DCHS2: variants seen among roughly 807,000 people sequenced by gnomAD.
DCHS2 encodes the protein protocadherin-23.
A neutral mutation model predicts 182.4 loss-of-function variants in DCHS2; 142 were observed. The observed-to-expected ratio is 0.78, with a 90% CI of 0.68 to 0.89. The LOEUF (loss-of-function observed/expected upper bound fraction) is 0.89, where lower values mean the gene tolerates loss of function less well. DCHS2 is among the 40% of genes least tolerant of loss of function. DCHS2 has a pLI of 0.00. For synonymous variants in DCHS2, 1,740 were observed against 1,663.3 expected, an observed-to-expected ratio of 1.05 and a Z score of -1.12; for missense variants, 4,319 against 4,198.6, an observed-to-expected ratio of 1.03 and a Z score of -0.79.
intron 3 of DCHS2, among the ~76,000 whole-genome samples, chr4:154,356,613 A>T (rs967289125): frequency 3.9e-5 from 6 of 152,116 alleles, no homozygotes; most frequent in African/African-American, 1.4e-4. Context: ...TTTTTACTCT[A>T]CCTTTACTAT....
chr4:154,351,865 G>A (rs1729633093), intron 3 of DCHS2, among the ~76,000 whole-genome samples: 1 of 152,128 alleles, frequency 6.6e-6, no homozygotes, highest in African/African-American at 2.4e-5. Context: ...GTTCCCAACA[G>A]GCCACAGACC....
intron 3 of DCHS2, among the ~76,000 whole-genome samples, chr4:154,361,771 C>T (rs1230146125): frequency 6.6e-6 from 1 of 152,060 alleles, no homozygotes; most frequent in Non-Finnish European, 1.5e-5. Context: ...TTCTCCAAAA[C>T]ATTTTTCATA....
At chr4:154,472,432 C>CAATTA (rs1735509236) in intron 1 of DCHS2, among the ~76,000 whole-genome samples, 1 of 152,256 alleles carries the variant, frequency 6.6e-6, no homozygotes, top group African/African-American at 2.4e-5. Context: ...TAGCAGGTAA[C>CAATTA]AATTAAATTA....
At chr4:154,460,461 C>T (rs1734964983) in intron 1 of DCHS2, among the ~76,000 whole-genome samples, 1 of 152,182 alleles carries the variant, frequency 6.6e-6, no homozygotes, top group Non-Finnish European at 1.5e-5. Flanking sequence ...TATTTCACTG[C>T]TATTAAAGCT....
intron 1 of DCHS2, among the ~76,000 whole-genome samples, chr4:154,425,244 G>A (rs1445503429): frequency 2.0e-5 from 3 of 152,194 alleles, no homozygotes; most frequent in Non-Finnish European, 4.4e-5. Flanking sequence ...CCCATCCGAA[G>A]AACAGGTAGC....
chr4:154,337,683 C>A (rs1301511469), intron 3 of DCHS2, among the ~76,000 whole-genome samples: 1 of 152,026 alleles, frequency 6.6e-6, no homozygotes, highest in Non-Finnish European at 1.5e-5. Context: ...GCGTCCTCTT[C>A]CCAGAACAAC....
At chr4:154,482,155 G>C (rs1168260457) in intron 1 of DCHS2, among the ~76,000 whole-genome samples, 1 of 152,184 alleles carries the variant, frequency 6.6e-6, no homozygotes. Flanking sequence ...GTAGCAAGAT[G>C]ATTTAAACAA....
intron 13 of DCHS2, among the ~76,000 whole-genome samples, chr4:154,274,973 G>A (rs1389802768): frequency 6.6e-6 from 1 of 151,492 alleles, no homozygotes. Flanking sequence ...ACAAGCCCCA[G>A]AGACCCCAAC....
intron 1 of DCHS2, among the ~76,000 whole-genome samples, chr4:154,399,935 G>T (rs1732088977): frequency 6.6e-6 from 1 of 152,152 alleles, no homozygotes; most frequent in South Asian, 2.1e-4. Context: ...ATTTCGCTCT[G>T]TTCAAGCAAC....
intron 4 of DCHS2, chr4:154,333,744 A>T: frequency 6.4e-5 from 30 of 469,650 alleles, no homozygotes; most frequent in Non-Finnish European, 8.8e-5. Flanking sequence ...TATGCTGTGC[A>T]GGTTTGTAGC....
In DCHS2 at chr4:154,459,468, G is replaced by A. The variant is rs1734915035; in HGVS notation, c.2052+29836C>T. 2.0e-5 allele frequency among the ~76,000 whole-genome samples: 3 copies of A among 152,026 alleles called. No individual in the cohort carries two copies. The South Asian group carries it at 6.2e-4, about 32-fold the overall frequency. ...TTGCTCTTCTCTTCTCAATGAAAGGGAAAGCAAAGGCAAAGAGCCCCGACC... is the reference window on the plus strand; with the variant it reads ...TTGCTCTTCTCTTCTCAATGAAAGGAAAAGCAAAGGCAAAGAGCCCCGACC... On this transcript the variant is annotated intron_variant, in intron 1 of 19. Coordinates refer to ENST00000357232, the MANE Select transcript of DCHS2 (RefSeq NM_001358235.2).
intron 9 of DCHS2, among the ~76,000 whole-genome samples, chr4:154,318,078 G>T (rs1735925027): frequency 6.6e-6 from 1 of 152,034 alleles, no homozygotes; most frequent in Admixed American, 6.6e-5. Flanking sequence ...GACTCACAAT[G>T]GGGGCAAAGA....
rs750397371 is a variant in DCHS2, at chr4:154,305,099, C to A, written c.5393G>T (p.Arg1798Leu). Reference sequence around the variant, plus strand: ...AGCCTACTCAAAGAATCCCTTACCTCGAAGGGTGAAGACTTCTTGAATTTC... The same window carrying A: ...AGCCTACTCAAAGAATCCCTTACCTAGAAGGGTGAAGACTTCTTGAATTTC... ...DREIQEVFTLRVLVRDGGFPS... is the reference protein window; with the variant it reads ...DREIQEVFTLLVLVRDGGFPS... Residue 1798 changes from arginine to leucine, a missense_variant and splice_region_variant, in exon 11 of 20, where the codon CGA becomes CTA. Transcript: ENST00000357232. The A allele has an allele frequency of 6.2e-7, 1 of 1,604,612 alleles. No individual in the cohort carries two copies. The highest frequency in any genetic ancestry group is 1.7e-4 in the Middle Eastern group (1 of 6,040).
intron 10 of DCHS2, among the ~76,000 whole-genome samples, chr4:154,314,767 C>T (rs1013001603): frequency 2.0e-5 from 3 of 151,640 alleles, no homozygotes; most frequent in African/African-American, 4.8e-5. Context: ...TATATACAAA[C>T]GTAAATTTTA....
intron 9 of DCHS2, among the ~76,000 whole-genome samples, chr4:154,319,366 C>G (rs1735969155): frequency 6.6e-6 from 1 of 151,762 alleles, no homozygotes; most frequent in Non-Finnish European, 1.5e-5. Context: ...AATTAAGAAG[C>G]TTCTGCACAG....
At chr4:154,384,415 C>CT in intron 1 of DCHS2, 1 of 1,613,460 alleles carries the variant, frequency 6.2e-7, no homozygotes, top group South Asian at 1.1e-5. Context: ...CTTCTGAACA[C>CT]TATAGCACCC....
chr4:154,252,140 G>T (rs1032626515), intron 16 of DCHS2, among the ~76,000 whole-genome samples: 8 of 152,022 alleles, frequency 5.3e-5, no homozygotes, highest in African/African-American at 1.9e-4. Flanking sequence ...CTTGGAAATT[G>T]AAGAATATAA....
chr4:154,403,718 A>G (rs1732287711), intron 1 of DCHS2, among the ~76,000 whole-genome samples: 1 of 152,214 alleles, frequency 6.6e-6, no homozygotes, highest in Non-Finnish European at 1.5e-5. Context: ...CATTAGTACC[A>G]GTAAACTATT....
At chr4:154,424,995 G>A (rs1222735452) in intron 1 of DCHS2, among the ~76,000 whole-genome samples, 5 of 152,186 alleles carry the variant, frequency 3.3e-5, no homozygotes, top group Non-Finnish European at 7.3e-5. Context: ...TCTTTTCCAA[G>A]CAAGAGAGAA....
Sources: gnomAD v4.1 joint callset for allele counts (sites outside exome capture counted in the v4.1 genomes callset) on GRCh38, gnomAD v4.1.1 for gene constraint, MANE v1.5 for transcripts, NCBI Gene and HGNC (gene_info 2026-07-23, HGNC 2026-07-21) for gene names.